The following SRPX variants were observed in gnomAD, a reference collection of about 807,000 sequenced individuals.
SRPX encodes the protein sushi repeat containing protein X-linked, also known as sushi repeat-containing protein SRPX.
SRPX carries 24 observed loss-of-function variants against 38.1 expected under a neutral mutation model. That is an observed-to-expected ratio of 0.63 (90% CI 0.46 to 0.89). SRPX has a LOEUF of 0.89. Among genes scored for constraint, SRPX ranks in the 40% least tolerant of loss-of-function variants. The pLI, the probability that SRPX is intolerant of heterozygous loss-of-function variation, is 0.00. For missense variants in SRPX, 416 were observed against 377.8 expected, an observed-to-expected ratio of 1.10 and a Z score of -0.84; for synonymous variants, 184 against 153.8, an observed-to-expected ratio of 1.20 and a Z score of -1.45.
chrX:38,172,321 C>T (rs929071085), intron 3 of SRPX, among the ~76,000 whole-genome samples: 9 of 112,328 alleles, frequency 8.0e-5, no homozygotes, highest in Non-Finnish European at 1.3e-4. Flanking sequence ...GGCGTGGTGG[C>T]GCATGCCTGT....
intron 1 of SRPX, among the ~76,000 whole-genome samples, chrX:38,201,339 G>C (rs1178640686): frequency 9.0e-6 from 1 of 110,530 alleles, no homozygotes; most frequent in Non-Finnish European, 1.9e-5. Flanking sequence ...AGAAGGAAGG[G>C]AGGAAGAAAA....
intron 1 of SRPX, among the ~76,000 whole-genome samples, chrX:38,189,135 G>A (rs1938847774): frequency 8.9e-6 from 1 of 111,749 alleles, no homozygotes; most frequent in Non-Finnish European, 1.9e-5. Flanking sequence ...AAGTTCCAGT[G>A]CCATCCTGAT....
intron 1 of SRPX, among the ~76,000 whole-genome samples, chrX:38,198,427 T>C (rs76627209): frequency 1.8e-5 from 2 of 112,422 alleles, no homozygotes; most frequent in African/African-American, 6.5e-5. Context: ...ACTGCTGTCA[T>C]TTAGAAAATA....
chrX:38,172,864 C>T, intron 3 of SRPX, among the ~76,000 whole-genome samples: 2 of 112,787 alleles, frequency 1.8e-5, no homozygotes, highest in Middle Eastern at 9.2e-3. Context: ...GATGCTTTCT[C>T]TTGTGAAAAG....
At chrX:38,193,339 G>A (rs978433512) in intron 1 of SRPX, among the ~76,000 whole-genome samples, 2 of 111,686 alleles carry the variant, frequency 1.8e-5, no homozygotes, top group African/African-American at 3.3e-5. Flanking sequence ...GTTCTTCTAT[G>A]TGTAGTAGTC....
intron 3 of SRPX, among the ~76,000 whole-genome samples, chrX:38,173,446 CT>C (rs1555948920): frequency 2.8e-5 from 3 of 109,010 alleles, no homozygotes; most frequent in Non-Finnish European, 3.8e-5. Context: ...TGGGAGAACA[CT>C]TTTTTTTTCT....
At chrX:38,171,833 T>A in intron 4 of SRPX, 48 bp downstream of exon 4, 1 of 1,179,953 alleles carries the variant, frequency 8.5e-7, no homozygotes, top group African/African-American at 1.7e-5. Flanking sequence ...GAACACCCCC[T>A]GCTCCTCCCA....
intron 5 of SRPX, among the ~76,000 whole-genome samples, chrX:38,163,367 T>C (rs1379292164): frequency 8.9e-6 from 1 of 112,243 alleles, no homozygotes; most frequent in Non-Finnish European, 1.9e-5. Flanking sequence ...TTCTAGAAAG[T>C]CTTTTCCTGC....
chrX:38,157,239 C>T (rs1938151022), intron 7 of SRPX, among the ~76,000 whole-genome samples: 1 of 111,631 alleles, frequency 9.0e-6, no homozygotes, highest in South Asian at 3.8e-4. Flanking sequence ...TAACAAATCA[C>T]CATAAACTTA....
chrX:38,220,098 A>C (rs1437612784), intron 1 of SRPX, among the ~76,000 whole-genome samples: 1 of 113,298 alleles, frequency 8.8e-6, no homozygotes, highest in Non-Finnish European at 1.9e-5. Flanking sequence ...AATCAAGTGC[A>C]TGCCACATGT....
intron 4 of SRPX, among the ~76,000 whole-genome samples, chrX:38,165,671 C>A (rs1245158790): frequency 8.9e-6 from 1 of 112,073 alleles, no homozygotes; most frequent in Non-Finnish European, 1.9e-5. Context: ...GGAGCACTTG[C>A]CACTGGAACA....
intron 5 of SRPX, 25 bp from the exon 6 acceptor site, chrX:38,161,079 G>A: frequency 8.3e-7 from 1 of 1,204,962 alleles, no homozygotes; most frequent in Non-Finnish European, 1.1e-6. Flanking sequence ...ATCAGAAACA[G>A]GAAAGATGAC....
chrX:38,204,645 T>C (rs1339209863), intron 1 of SRPX, among the ~76,000 whole-genome samples: 2 of 112,032 alleles, frequency 1.8e-5, no homozygotes, highest in African/African-American at 3.2e-5. Context: ...AGCTTTTTTT[T>C]CCCCTAAATT....
intron 1 of SRPX, among the ~76,000 whole-genome samples, chrX:38,184,551 A>T (rs1938735076): frequency 9.0e-6 from 1 of 111,449 alleles, no homozygotes; most frequent in Admixed American, 9.5e-5. Context: ...GGGCCCATGA[A>T]CCCCTTGTAA....
intron 1 of SRPX, among the ~76,000 whole-genome samples, chrX:38,215,315 T>A (rs1276118153): frequency 1.8e-5 from 2 of 111,693 alleles, no homozygotes; most frequent in Non-Finnish European, 3.8e-5. Context: ...GAATGAGTAC[T>A]CCAGAGGTTT....
chrX:38,158,710 G>A (rs1938180233), intron 7 of SRPX, among the ~76,000 whole-genome samples: 1 of 111,904 alleles, frequency 8.9e-6, no homozygotes. Flanking sequence ...ACCGGGCGCA[G>A]TGTCTCACAT....
chrX:38,209,775 T>G (rs1939283153), intron 1 of SRPX, among the ~76,000 whole-genome samples: 1 of 112,457 alleles, frequency 8.9e-6, no homozygotes, highest in South Asian at 3.7e-4. Context: ...AAACACATTT[T>G]AAAGAACACA....
At chrX:38,203,341 G>A (rs1376983666) in intron 1 of SRPX, among the ~76,000 whole-genome samples, 1 of 112,325 alleles carries the variant, frequency 8.9e-6, no homozygotes, top group Non-Finnish European at 1.9e-5. Context: ...ACTTTACGAT[G>A]AAAGACTGAG....
rs746919755 is a variant in SRPX, at chrX:38,172,410, G to A, written c.350-353C>T. ...AGAGGTTGCGGCGAGCTGAGATTGC[G>A]CCATTGCGCTCCAGCCTGGGCAACA... On this transcript the variant is annotated intron_variant, in intron 3 of 9. Transcript: ENST00000378533. Among the ~76,000 whole-genome samples, 18 of 113,179 alleles carry A rather than the reference G, an allele frequency of 1.6e-4. No homozygotes were observed. The South Asian group carries it at 1.8e-3, about 11-fold the overall frequency.
Sources: gnomAD v4.1 joint callset for allele counts (sites outside exome capture counted in the v4.1 genomes callset) on GRCh38, gnomAD v4.1.1 for gene constraint, MANE v1.5 for transcripts, NCBI Gene and HGNC (gene_info 2026-07-23, HGNC 2026-07-21) for gene names.